FANCC: variants seen among roughly 807,000 people sequenced by gnomAD.
FANCC encodes FA complementation group C, also known as Fanconi anemia group C protein.
FANCC carries 55 observed loss-of-function variants against 71.3 expected under a neutral mutation model. The observed-to-expected ratio is 0.77, with a 90% CI of 0.62 to 0.97. The LOEUF (loss-of-function observed/expected upper bound fraction) is 0.97, where lower values mean the gene tolerates loss of function less well. Ranked by LOEUF, FANCC falls within the 50% of genes least tolerant of loss-of-function variation. The pLI is 0.00. For synonymous variants in FANCC, 275 were observed against 244.9 expected (o/e 1.12, Z -1.15); for missense variants, 678 against 670.9 (o/e 1.01, Z -0.12).
chr9:95,233,970 C>A lies in FANCC; in HGVS notation c.345+6679G>T, dbSNP rs1189623931. 3.9e-5 allele frequency among the ~76,000 whole-genome samples: 6 copies of A among 152,200 alleles called. No individual in the cohort carries two copies. In the East Asian group the frequency reaches 9.6e-4, roughly 24 times the overall value. ...GCTGGCAGGAGCCCTCCGGTTCCCA[C>A]TTCCTCTCAGGATATGCATTATGGT... On this transcript the variant is annotated intron_variant, in intron 4 of 14. Transcript: ENST00000289081.
chr9:95,149,778 C>A, intron 7 of FANCC, 145 bp downstream of exon 7: 1 of 966,460 alleles, frequency 1.0e-6, no homozygotes. Context: ...CACACCTGGC[C>A]GGGATACTCA....
intron 8 of FANCC, among the ~76,000 whole-genome samples, chr9:95,128,984 C>A (rs1321146557): frequency 6.6e-6 from 1 of 151,824 alleles, no homozygotes; most frequent in Non-Finnish European, 1.5e-5. Context: ...CTCACTGCAA[C>A]CTCCAACTCC....
intron 1 of FANCC, among the ~76,000 whole-genome samples, chr9:95,276,281 T>G (rs2136239823): frequency 6.6e-6 from 1 of 152,338 alleles, no homozygotes; most frequent in South Asian, 2.1e-4. Context: ...TTGCTGAATT[T>G]GTTCTTAAAT....
At chr9:95,190,166 G>C (rs555197585) in intron 4 of FANCC, among the ~76,000 whole-genome samples, 1 of 151,902 alleles carries the variant, frequency 6.6e-6, no homozygotes, top group Non-Finnish European at 1.5e-5. Flanking sequence ...ACCTGCACAC[G>C]CACACCCCCC....
chr9:95,222,162 C>CAAA lies in FANCC; in HGVS notation c.345+18484_345+18486dup, dbSNP rs60764731. Among the ~76,000 whole-genome samples the CAAA allele has an allele frequency of 2.4e-4, 17 of 70,608 alleles. No homozygotes were observed. In the East Asian group the frequency reaches 3.0e-3, roughly 13 times the overall value. The allele number at this position is 70,608 out of a possible 152,430, so 46.3% of individuals were successfully genotyped here. ...TGAGCAGCAGAGCAAGGCCCCATCTCAAAAAAAAAAAAAAAAAAAAAAAAA... is the reference window on the plus strand; with the variant it reads ...TGAGCAGCAGAGCAAGGCCCCATCTCAAAAAAAAAAAAAAAAAAAAAAAAAAAA... On this transcript the variant is annotated intron_variant, in intron 4 of 14. Coordinates refer to ENST00000289081, the MANE Select transcript of FANCC (RefSeq NM_000136.3).
intron 10 of FANCC, among the ~76,000 whole-genome samples, chr9:95,119,178 TGCC>T (rs1418311303): frequency 6.6e-6 from 1 of 152,238 alleles, no homozygotes; most frequent in Non-Finnish European, 1.5e-5. Flanking sequence ...ATGTGCTTAC[TGCC>T]AACTTATGTA....
intron 6 of FANCC, among the ~76,000 whole-genome samples, chr9:95,158,804 T>C (rs1830584580): frequency 1.3e-5 from 2 of 152,328 alleles, no homozygotes; most frequent in South Asian, 4.1e-4. Flanking sequence ...TTGATGCTGC[T>C]GATTGGTAGG....
chr9:95,229,806 T>C (rs78942608), intron 4 of FANCC, among the ~76,000 whole-genome samples: 3,634 of 145,904 alleles, frequency 0.025, 114 homozygotes, highest in African/African-American at 0.079. Flanking sequence ...CACACACACA[T>C]TGTAATTCTT....
intron 8 of FANCC, chr9:95,126,821 C>T (rs1826056763): frequency 2.0e-6 from 1 of 496,652 alleles, no homozygotes; most frequent in Non-Finnish European, 3.7e-6. Context: ...GTATGTCCCA[C>T]ATTTTCTATA....
intron 6 of FANCC, among the ~76,000 whole-genome samples, chr9:95,162,037 T>A (rs939548995): frequency 3.3e-5 from 5 of 152,176 alleles, no homozygotes; most frequent in African/African-American, 1.2e-4. Flanking sequence ...AGATGGAGTT[T>A]CGCCGTGTTG....
At chr9:95,165,904 CTCTT>C (rs1293087748) in intron 6 of FANCC, among the ~76,000 whole-genome samples, 1 of 151,964 alleles carries the variant, frequency 6.6e-6, no homozygotes, top group Non-Finnish European at 1.5e-5. Flanking sequence ...GTGTTACTGT[CTCTT>C]TCTCCCTTCA....
intron 1 of FANCC, among the ~76,000 whole-genome samples, chr9:95,259,631 G>A (rs1423638384): frequency 6.6e-6 from 1 of 152,202 alleles, no homozygotes; most frequent in Admixed American, 6.5e-5. Flanking sequence ...CATAGGCATG[G>A]ACAAAGACTT....
At chr9:95,184,247 A>G (rs1435352843) in intron 4 of FANCC, among the ~76,000 whole-genome samples, 1 of 152,198 alleles carries the variant, frequency 6.6e-6, no homozygotes, top group Non-Finnish European at 1.5e-5. Flanking sequence ...TTGTTTACTT[A>G]ATATCAAAAT....
chr9:95,162,312 C>G (rs962805645), intron 6 of FANCC, among the ~76,000 whole-genome samples: 1 of 152,210 alleles, frequency 6.6e-6, no homozygotes, highest in African/African-American at 2.4e-5. Flanking sequence ...GTGGAATAAT[C>G]TTCCAATGTG....
At position 95,150,066 on chromosome 9, in the gene FANCC, C is replaced by G; in HGVS notation, c.543G>C (p.Ala181=). 6.2e-7 allele frequency: 1 copy of G among 1,614,064 alleles called. No homozygotes were observed. Among genetic ancestry groups the G allele is most frequent in the Non-Finnish European group, 8.5e-7 (1 of 1,180,016 alleles). The change falls in exon 7 of 15, where the codon GCG becomes GCC. Residue 181 remains alanine (A), a synonymous_variant. Coordinates refer to ENST00000289081, the MANE Select transcript of FANCC (RefSeq NM_000136.3). ...GTGGGACACAAACTCGTGACAGGGACGCCACTCGCTCGGGAGCCATTCTAT... is the reference window on the plus strand; with the variant it reads ...GTGGGACACAAACTCGTGACAGGGAGGCCACTCGCTCGGGAGCCATTCTAT... ...TQRRMAPERV[A]SLSRVCVPLI...
intron 4 of FANCC, among the ~76,000 whole-genome samples, chr9:95,230,315 G>A (rs930450616): frequency 2.0e-5 from 3 of 152,118 alleles, no homozygotes; most frequent in South Asian, 2.1e-4. Flanking sequence ...GAGTGGTTTC[G>A]AGAGCTCAAG....
chr9:95,224,646 ACTTT>A (rs1284980265), intron 4 of FANCC, among the ~76,000 whole-genome samples: 2 of 152,022 alleles, frequency 1.3e-5, no homozygotes, highest in Non-Finnish European at 2.9e-5. Context: ...AGCTTGTTCT[ACTTT>A]CTGTTTCTAT....
At chr9:95,193,066 G>A (rs556386362) in intron 4 of FANCC, among the ~76,000 whole-genome samples, 2 of 152,300 alleles carry the variant, frequency 1.3e-5, no homozygotes, top group East Asian at 3.9e-4. Flanking sequence ...GAGTTGAGGT[G>A]GCTGCCTTCA....
intron 1 of FANCC, among the ~76,000 whole-genome samples, chr9:95,252,386 A>G (rs750866339): frequency 6.6e-6 from 1 of 152,020 alleles, no homozygotes; most frequent in Non-Finnish European, 1.5e-5. Context: ...ATCAGTTTAG[A>G]TATTTGGGAA....
Sources: gnomAD v4.1 joint callset for allele counts (sites outside exome capture counted in the v4.1 genomes callset) on GRCh38, gnomAD v4.1.1 for gene constraint, MANE v1.5 for transcripts, NCBI Gene and HGNC (gene_info 2026-07-23, HGNC 2026-07-21) for gene names.